SPTSSB: variants seen among roughly 807,000 people sequenced by gnomAD.
SPTSSB encodes the protein androgen down regulated in mouse prostate.
In SPTSSB, 6 loss-of-function variants were observed where a neutral mutation model predicts 7.7. That is an observed-to-expected ratio of 0.78 (90% CI 0.43 to 1.54). The LOEUF (loss-of-function observed/expected upper bound fraction) is 1.54, where lower values mean the gene tolerates loss of function less well. Ranked by LOEUF, SPTSSB falls within the 40% of genes most tolerant of loss-of-function variation. SPTSSB has a pLI of 0.01. For synonymous variants in SPTSSB, 28 were observed against 29.7 expected (o/e 0.94, Z 0.19); for missense variants, 91 against 93.0 (o/e 0.98, Z 0.09).
chr3:161,354,159 A>G (rs6800515), intron 2 of SPTSSB, among the ~76,000 whole-genome samples: 15,507 of 152,252 alleles, frequency 0.1, 1,306 homozygotes, highest in African/African-American at 0.23. Flanking sequence ...AAAGCACATT[A>G]TCGCTTTAGG....
Position 161,345,716 on chromosome 3 carries a change from T to C in SPTSSB, c.*377A>G, listed in dbSNP as rs189270. The C allele has an allele frequency of 0.64, 103,364 of 160,714 alleles. 35,585 individuals carry two copies. Among genetic ancestry groups the C allele is most frequent in the East Asian group, 0.97 (5,352 of 5,540 alleles). The allele number at this position is 160,714 out of a possible 1,614,324, so 10.0% of individuals were successfully genotyped here. A position where few individuals can be genotyped will look rare whatever the true frequency, so the allele number is the denominator to read the frequency against. Reference sequence around the variant, plus strand: ...TAAAGATTTTTTAAAATTTATCCTTTAGTATAGAATAAGTGTCAAGGGAGC... The same window carrying C: ...TAAAGATTTTTTAAAATTTATCCTTCAGTATAGAATAAGTGTCAAGGGAGC... On this transcript the variant is annotated 3_prime_UTR_variant, in exon 3 of 3. Transcript: ENST00000620149.
At position 161,345,985 on chromosome 3, in the gene SPTSSB, G is replaced by C; in HGVS notation, c.*108C>G. ...AGAATATAAGAGTGCATAGAGAAGA[G>C]AGTGCTTTTCAGGTCAGATAGTGAA... On this transcript the variant is annotated 3_prime_UTR_variant, in exon 3 of 3. Transcript: ENST00000620149. 1.5e-6 allele frequency: 1 copy of C among 649,802 alleles called. No individual in the cohort carries two copies. The highest frequency in any genetic ancestry group is 2.8e-6 in the Non-Finnish European group (1 of 362,794). The allele number at this position is 649,802 out of a possible 1,614,324, so 40.3% of individuals were successfully genotyped here. A position where few individuals can be genotyped will look rare whatever the true frequency, so the allele number is the denominator to read the frequency against.
Position 161,346,365 on chromosome 3 carries a change from A to G in SPTSSB, c.-32-10T>C. The stretch of plus-strand genomic sequence containing the variant: ...CTGCAGTAAGTTTGTCCTGTTAAAG[A>G]ATGTAACAGATTAGAGGATGAGGAA... On this transcript the variant is annotated splice_polypyrimidine_tract_variant and intron_variant, in intron 2 of 2. Transcript: ENST00000620149. 7.4e-7 allele frequency: 1 copy of G among 1,346,742 alleles called. No homozygotes were observed. Among genetic ancestry groups the G allele is most frequent in the Non-Finnish European group, 1.1e-6 (1 of 936,936 alleles). The allele number at this position is 1,346,742 out of a possible 1,614,324, so 83.4% of individuals were successfully genotyped here.
At chr3:161,353,747 T>G (rs913064300) in intron 2 of SPTSSB, among the ~76,000 whole-genome samples, 3 of 152,240 alleles carry the variant, frequency 2.0e-5, no homozygotes, top group African/African-American at 7.2e-5. Context: ...GTGTAAGAAT[T>G]AGACATAACC....
At chr3:161,351,982 G>T (rs979319285) in intron 2 of SPTSSB, among the ~76,000 whole-genome samples, 36 of 152,160 alleles carry the variant, frequency 2.4e-4, no homozygotes, top group African/African-American at 8.7e-4. Context: ...AAAAGATATA[G>T]AATATTTTCA....
intron 1 of SPTSSB, among the ~76,000 whole-genome samples, chr3:161,369,551 A>G (rs575402061): frequency 1.3e-5 from 2 of 151,850 alleles, no homozygotes; most frequent in South Asian, 4.2e-4. Flanking sequence ...AGAAATGTCT[A>G]TTCAAATTTT....
At position 161,346,139 on chromosome 3, in the gene SPTSSB, T is replaced by C. The variant is rs756366210; in HGVS notation, c.185A>G (p.Glu62Gly). ...ATATCCACATATTTTTGAGAAAAAT[T>C]CCCAAGCCAGGCGAATGTGGATTGG... is the stretch of plus-strand genomic sequence containing the variant. ...FIPIHIRLAWEFFSKICGYHS... is the reference protein window; with the variant it reads ...FIPIHIRLAWGFFSKICGYHS... Residue 62 changes from glutamate to glycine, a missense_variant, in exon 3 of 3, where the codon GAA becomes GGA. Glu to Gly is a moderately conservative substitution (Grantham distance 98, BLOSUM62 -2). Coordinates refer to ENST00000620149, the MANE Select transcript of SPTSSB (RefSeq NM_001040100.2). 6.2e-7 allele frequency: 1 copy of C among 1,611,362 alleles called. No individual in the cohort carries two copies. Among genetic ancestry groups the C allele is most frequent in the South Asian group, 1.1e-5 (1 of 91,024 alleles).
intron 1 of SPTSSB, among the ~76,000 whole-genome samples, chr3:161,366,386 C>CTATT (rs1715220129): frequency 6.6e-6 from 1 of 152,056 alleles, no homozygotes; most frequent in Non-Finnish European, 1.5e-5. Context: ...TGCTGATATA[C>CTATT]TATTTTTTTC....
At chr3:161,361,141 G>C (rs1714997954) in intron 1 of SPTSSB, among the ~76,000 whole-genome samples, 1 of 152,080 alleles carries the variant, frequency 6.6e-6, no homozygotes, top group Non-Finnish European at 1.5e-5. Flanking sequence ...TGTCATGGAA[G>C]TCTTAAAAGA....
intron 1 of SPTSSB, among the ~76,000 whole-genome samples, chr3:161,370,667 G>A (rs1015415155): frequency 6.6e-6 from 1 of 152,136 alleles, no homozygotes; most frequent in African/African-American, 2.4e-5. Flanking sequence ...GGACTTTGGG[G>A]CTAGTTCTTA....
chr3:161,361,097 G>A (rs1284557671), intron 1 of SPTSSB, among the ~76,000 whole-genome samples: 1 of 152,070 alleles, frequency 6.6e-6, no homozygotes, highest in Non-Finnish European at 1.5e-5. Context: ...GTTTCCTCTG[G>A]GAAATGCTGA....
chr3:161,355,941 A>G (rs1714751367), intron 2 of SPTSSB, among the ~76,000 whole-genome samples: 1 of 152,224 alleles, frequency 6.6e-6, no homozygotes, highest in Non-Finnish European at 1.5e-5. Context: ...ATATTTTTAA[A>G]AAGTTATTAA....
At chr3:161,354,642 G>T (rs1275876655) in intron 2 of SPTSSB, among the ~76,000 whole-genome samples, 2 of 152,182 alleles carry the variant, frequency 1.3e-5, no homozygotes, top group Admixed American at 6.5e-5. Context: ...CACCACACCT[G>T]GCCTGAACCA....
At chr3:161,351,149 A>T (rs965596703) in intron 2 of SPTSSB, among the ~76,000 whole-genome samples, 1 of 152,200 alleles carries the variant, frequency 6.6e-6, no homozygotes, top group African/African-American at 2.4e-5. Flanking sequence ...CAGAAAAGGG[A>T]CATTAAGTAA....
In SPTSSB at chr3:161,346,004, T is replaced by C. The variant is rs951806155; in HGVS notation, c.*89A>G. ...AGAAGAGAGTGCTTTTCAGGTCAGA[T>C]AGTGAAGGAAGACACAATAGTTACC... On this transcript the variant is annotated 3_prime_UTR_variant, in exon 3 of 3. Transcript: ENST00000620149. 12 of 702,872 alleles carry C rather than the reference T, an allele frequency of 1.7e-5. No individual in the cohort carries two copies. Among genetic ancestry groups the C allele is most frequent in the Admixed American group, 2.1e-5 (1 of 46,624 alleles). The allele number at this position is 702,872 out of a possible 1,614,324, so 43.5% of individuals were successfully genotyped here. A position where few individuals can be genotyped will look rare whatever the true frequency, so the allele number is the denominator to read the frequency against.
intron 1 of SPTSSB, among the ~76,000 whole-genome samples, chr3:161,365,888 G>T (rs1715195886): frequency 1.3e-5 from 2 of 152,188 alleles, no homozygotes; most frequent in South Asian, 4.1e-4. Context: ...TAAACCAAGT[G>T]CCCTGAGTAG....
At position 161,345,658 on chromosome 3, in the gene SPTSSB, A is replaced by G. The variant is rs764753676; in HGVS notation, c.*435T>C. ...TTATTCACATCTTTTTATACATCGTAAACAAGGATAGGATACTTCTGACAG... is the reference window on the plus strand; with the variant it reads ...TTATTCACATCTTTTTATACATCGTGAACAAGGATAGGATACTTCTGACAG... On this transcript the variant is annotated 3_prime_UTR_variant, in exon 3 of 3. Transcript: ENST00000620149. 1 of 153,814 alleles carries G rather than the reference A, an allele frequency of 6.5e-6. No individual in the cohort carries two copies. The highest frequency in any genetic ancestry group is 1.5e-5 in the Non-Finnish European group (1 of 68,912). 9.5% of individuals were successfully genotyped at this position (153,814 alleles called of 1,614,324 possible). A position where few individuals can be genotyped will look rare whatever the true frequency, so the allele number is the denominator to read the frequency against.
At chr3:161,352,970 G>C (rs1048698418) in intron 2 of SPTSSB, among the ~76,000 whole-genome samples, 2 of 152,166 alleles carry the variant, frequency 1.3e-5, no homozygotes, top group African/African-American at 4.8e-5. Context: ...AGATTGGTAG[G>C]TAGAAAAGTG....
In SPTSSB at chr3:161,345,232, C is replaced by T. The variant is rs1714157118; in HGVS notation, c.*861G>A. 6.6e-6 allele frequency: 1 copy of T among 152,568 alleles called. No homozygotes were observed. Among genetic ancestry groups the T allele is most frequent in the Admixed American group, 6.6e-5 (1 of 15,260 alleles). 9.5% of individuals were successfully genotyped at this position (152,568 alleles called of 1,614,324 possible). On this transcript the variant is annotated 3_prime_UTR_variant, in exon 3 of 3. Coordinates refer to ENST00000620149, the MANE Select transcript of SPTSSB (RefSeq NM_001040100.2). ...AGTTCCTGCTGGTAGAATATTACTT[C>T]CAGCCTATTTATTAGCTTGTCTTCC...
Sources: allele counts gnomAD v4.1 joint callset (sites outside exome capture counted in the v4.1 genomes callset), GRCh38; gene constraint gnomAD v4.1.1; transcripts MANE v1.5; gene names NCBI Gene and HGNC (gene_info 2026-07-23, HGNC 2026-07-21).